The following ERP44 variants were observed in gnomAD, a reference collection of about 807,000 sequenced individuals.
The protein encoded by ERP44 is endoplasmic reticulum resident protein 44.
A neutral mutation model predicts 53.4 loss-of-function variants in ERP44; 25 were observed. The observed-to-expected ratio is 0.47, with a 90% CI of 0.34 to 0.65. The LOEUF (loss-of-function observed/expected upper bound fraction) is 0.65, where lower values mean the gene tolerates loss of function less well. Ranked by LOEUF, ERP44 falls within the 30% of genes least tolerant of loss-of-function variation. The pLI is 0.01. For missense variants in ERP44, 338 were observed against 493.2 expected (o/e 0.69, Z 2.98); for synonymous variants, 145 against 161.2 (o/e 0.90, Z 0.76).
intron 1 of ERP44, among the ~76,000 whole-genome samples, chr9:100,086,429 A>G (rs1460302930): frequency 6.6e-6 from 1 of 152,240 alleles, no homozygotes; most frequent in East Asian, 1.9e-4. Flanking sequence ...GAGTCAAAAG[A>G]TAACAATCAC....
At chr9:100,068,057 C>T (rs1195887464) in intron 1 of ERP44, among the ~76,000 whole-genome samples, 22 of 147,056 alleles carry the variant, frequency 1.5e-4, no homozygotes, top group Non-Finnish European at 3.3e-4. Context: ...CCCGGCCAGC[C>T]GCCCCATCCG....
intron 10 of ERP44, among the ~76,000 whole-genome samples, chr9:99,994,616 C>T (rs895090715): frequency 2.6e-5 from 4 of 152,002 alleles, no homozygotes; most frequent in African/African-American, 4.8e-5. Flanking sequence ...CAAACCTGCA[C>T]GTTGTGCACA....
In ERP44 at chr9:100,043,052, A is replaced by T. The variant is rs150842556; in HGVS notation, c.286+9365T>A. ...AAGCGGGCGAATCATGAGGTCAGGA[A>T]ATCGAGACCATCCTGGCTAACATGG... On this transcript the variant is annotated intron_variant, in intron 4 of 11. Coordinates refer to ENST00000262455, the MANE Select transcript of ERP44 (RefSeq NM_015051.3). 5.3e-3 allele frequency among the ~76,000 whole-genome samples: 796 copies of T among 151,410 alleles called. 8 individuals carry two copies. The highest frequency in any genetic ancestry group is 0.018 in the African/African-American group (725 of 41,194).
intron 4 of ERP44, among the ~76,000 whole-genome samples, chr9:100,045,431 T>C (rs924154574): frequency 6.6e-6 from 1 of 152,202 alleles, no homozygotes; most frequent in Admixed American, 6.5e-5. Context: ...ACCTTCCACA[T>C]AGCATTACAT....
At chr9:100,066,382 G>A (rs1032891688) in intron 1 of ERP44, among the ~76,000 whole-genome samples, 3 of 152,146 alleles carry the variant, frequency 2.0e-5, no homozygotes, top group African/African-American at 7.2e-5. Flanking sequence ...AGATATTTCT[G>A]CATGAAATCA....
At chr9:100,053,286 C>A (rs1826056350) in intron 3 of ERP44, among the ~76,000 whole-genome samples, 1 of 152,134 alleles carries the variant, frequency 6.6e-6, no homozygotes, top group African/African-American at 2.4e-5. Flanking sequence ...AAATTCCTAA[C>A]CAAGACTTCC....
At chr9:100,051,358 A>G (rs1826034996) in intron 4 of ERP44, among the ~76,000 whole-genome samples, 1 of 152,236 alleles carries the variant, frequency 6.6e-6, no homozygotes, top group East Asian at 1.9e-4. Flanking sequence ...CCATTTCCTC[A>G]TCAGTAAAAT....
At chr9:100,027,803 A>T (rs1399622152) in intron 4 of ERP44, among the ~76,000 whole-genome samples, 1 of 152,196 alleles carries the variant, frequency 6.6e-6, no homozygotes, top group Non-Finnish European at 1.5e-5. Context: ...AAAGAGGCAG[A>T]TCATTTCAAC....
intron 10 of ERP44, among the ~76,000 whole-genome samples, chr9:99,986,751 A>T (rs1412379344): frequency 6.6e-6 from 1 of 152,236 alleles, no homozygotes; most frequent in Non-Finnish European, 1.5e-5. Context: ...ACAGTTTACA[A>T]ATACAAATGA....
intron 3 of ERP44, among the ~76,000 whole-genome samples, chr9:100,057,277 ATGT>A (rs1826095974): frequency 6.6e-6 from 1 of 152,112 alleles, no homozygotes; most frequent in African/African-American, 2.4e-5. Context: ...ACTATATACC[ATGT>A]TGTTCTAGAT....
chr9:99,991,827 A>C (rs1293194331), intron 10 of ERP44, among the ~76,000 whole-genome samples: 1 of 152,226 alleles, frequency 6.6e-6, no homozygotes, highest in East Asian at 1.9e-4. Flanking sequence ...AAAAATGATA[A>C]AGGGGATATC....
At chr9:100,073,951 G>GT (rs1345111438) in intron 1 of ERP44, among the ~76,000 whole-genome samples, 1 of 152,178 alleles carries the variant, frequency 6.6e-6, no homozygotes, top group Admixed American at 6.5e-5. Flanking sequence ...AATGTTGAAT[G>GT]TAAGCCCAAT....
At chr9:100,093,414 C>T (rs995757808) in intron 1 of ERP44, among the ~76,000 whole-genome samples, 2 of 152,126 alleles carry the variant, frequency 1.3e-5, no homozygotes, top group African/African-American at 4.8e-5. Context: ...GAGGCCAAAG[C>T]GGGTGGATCG....
chr9:100,068,205 AG>A (rs1441762869), intron 1 of ERP44, among the ~76,000 whole-genome samples: 1 of 134,856 alleles, frequency 7.4e-6, no homozygotes, highest in Non-Finnish European at 1.7e-5. Context: ...GGAGGGAGGT[AG>A]GGGGGTCAGC....
intron 4 of ERP44, among the ~76,000 whole-genome samples, chr9:100,033,942 C>T (rs888105212): frequency 1.3e-5 from 2 of 152,134 alleles, no homozygotes; most frequent in Non-Finnish European, 2.9e-5. Context: ...ATCTTTGTCC[C>T]TCTACAATCC....
intron 10 of ERP44, among the ~76,000 whole-genome samples, chr9:99,985,556 C>T (rs1017077482): frequency 6.6e-6 from 1 of 152,198 alleles, no homozygotes; most frequent in Non-Finnish European, 1.5e-5. Context: ...ATGTCCACCA[C>T]CATTTAAACC....
intron 1 of ERP44, among the ~76,000 whole-genome samples, chr9:100,061,550 ATATT>A (rs1826149295): frequency 6.8e-6 from 1 of 147,294 alleles, no homozygotes; most frequent in Non-Finnish European, 1.5e-5. Flanking sequence ...AGAAACGTAT[ATATT>A]TATAGAAACG....
intron 1 of ERP44, among the ~76,000 whole-genome samples, chr9:100,083,694 C>A (rs1826451075): frequency 6.6e-6 from 1 of 152,194 alleles, no homozygotes; most frequent in South Asian, 2.1e-4. Flanking sequence ...TCGTGTTTGA[C>A]TACCTTTTAC....
At chr9:99,986,409 T>A (rs1490993664) in intron 10 of ERP44, among the ~76,000 whole-genome samples, 1 of 152,206 alleles carries the variant, frequency 6.6e-6, no homozygotes, top group Non-Finnish European at 1.5e-5. Flanking sequence ...CCTTCTGAGA[T>A]CTTGGTGCTT....
Sources: gnomAD v4.1 joint callset for allele counts (sites outside exome capture counted in the v4.1 genomes callset) on GRCh38, gnomAD v4.1.1 for gene constraint, MANE v1.5 for transcripts, NCBI Gene and HGNC (gene_info 2026-07-23, HGNC 2026-07-21) for gene names.